The following PECR variants were observed in gnomAD, a reference collection of about 807,000 sequenced individuals.
The protein encoded by PECR is 2,4-dienoyl-CoA reductase-related protein.
A neutral mutation model predicts 35.3 loss-of-function variants in PECR; 30 were observed. The observed-to-expected ratio is 0.85, with a 90% CI of 0.64 to 1.15. The LOEUF is 1.15. Among genes scored for constraint, PECR ranks in the 50% most tolerant of loss-of-function variants. The pLI, the probability that PECR is intolerant of heterozygous loss-of-function variation, is 0.00. For missense variants in PECR, 392 were observed against 370.8 expected (o/e 1.06, Z -0.47); for synonymous variants, 148 against 138.9 (o/e 1.07, Z -0.46).
At chr2:216,049,445 T>C (rs905828408) in intron 5 of PECR, 72 bp from the exon 6 acceptor site, 10 of 705,722 alleles carry the variant, frequency 1.4e-5, no homozygotes, top group African/African-American at 3.6e-5. Context: ...GATATCAAGA[T>C]ACTCTACTGG....
chr2:216,070,576 G>C (rs147891613), intron 1 of PECR, among the ~76,000 whole-genome samples: 4 of 152,128 alleles, frequency 2.6e-5, no homozygotes, highest in African/African-American at 9.7e-5. Context: ...CGGTCATTAC[G>C]ACACTGAACG....
intron 7 of PECR, among the ~76,000 whole-genome samples, chr2:216,031,106 C>T (rs181120236): frequency 7.9e-5 from 12 of 152,088 alleles, no homozygotes; most frequent in African/African-American, 1.7e-4. Context: ...GGTAACAACG[C>T]GTTAGAAAGA....
At chr2:216,037,348 C>T (rs1346631048), downstream of PECR, among the ~76,000 whole-genome samples, 1 of 152,196 alleles carries the variant, frequency 6.6e-6, no homozygotes, top group Non-Finnish European at 1.5e-5. Flanking sequence ...GTCCCTTAAG[C>T]AGAAATAACT....
At chr2:216,040,034 A>G (rs964770202) in intron 7 of PECR, among the ~76,000 whole-genome samples, 55 of 152,156 alleles carry the variant, frequency 3.6e-4, no homozygotes, top group African/African-American at 1.3e-3. Flanking sequence ...AGCCTTACAC[A>G]TAGAAACAGC....
chr2:216,079,981 CAAAA>C (rs746269775), intron 1 of PECR, among the ~76,000 whole-genome samples: 1 of 85,486 alleles, frequency 1.2e-5, no homozygotes, highest in Admixed American at 1.2e-4. Flanking sequence ...AACTCCATCT[CAAAA>C]AAAAAAAAAA....
intron 7 of PECR, among the ~76,000 whole-genome samples, chr2:216,042,467 T>C (rs188847810): frequency 6.2e-4 from 95 of 152,304 alleles, no homozygotes; most frequent in Non-Finnish European, 1.1e-3. Context: ...CTGGGTTACA[T>C]CAACCATCTA....
At chr2:216,043,452 T>G (rs1392055889) in intron 7 of PECR, among the ~76,000 whole-genome samples, 1 of 152,014 alleles carries the variant, frequency 6.6e-6, no homozygotes, top group Non-Finnish European at 1.5e-5. Context: ...ATACAGAAAT[T>G]TCATATGCCT....
At chr2:216,067,555 TTC>T (rs1310047214) in intron 1 of PECR, among the ~76,000 whole-genome samples, 1 of 151,486 alleles carries the variant, frequency 6.6e-6, no homozygotes, top group Non-Finnish European at 1.5e-5. Context: ...TACATATTTT[TTC>T]TTTTTCTTTT....
chr2:216,033,094 C>T (rs955479920), intron 7 of PECR: 3 of 152,088 alleles, frequency 2.0e-5, no homozygotes, highest in Non-Finnish European at 4.4e-5. Context: ...TCTAAACTTA[C>T]CCAAGATTGA....
intron 3 of PECR, chr2:216,063,885 T>G (rs984276486): frequency 1.3e-5 from 2 of 151,948 alleles, no homozygotes; most frequent in African/African-American, 4.8e-5. Context: ...GCTAATTTTT[T>G]TTCTTTTTTT....
chr2:216,044,008 G>C lies in PECR; in HGVS notation c.722C>G (p.Ser241Cys). The change falls in exon 7 of 8, where the codon TCT (serine) becomes TGT (cysteine). Residue 241 changes from serine to cysteine, a missense_variant. Transcript: ENST00000265322. ...AGGAGACAGTAGGAAGCAGACCACAGAGGAGACCTGGAAACAGAAACACAC... is the reference window on the plus strand; with the variant it reads ...AGGAGACAGTAGGAAGCAGACCACACAGGAGACCTGGAAACAGAAACACAC... ...KRIGVPEEVS[S>C]VVCFLLSPAA... The C allele has an allele frequency of 6.3e-7, 1 of 1,583,120 alleles. No homozygotes were observed. Among genetic ancestry groups the C allele is most frequent in the Non-Finnish European group, 8.7e-7 (1 of 1,151,754 alleles).
rs1304305088 is a variant in PECR at position 216,043,103 on chromosome 2, G to GTA, written c.826+799_826+800dup. On this transcript the variant is annotated intron_variant, in intron 7 of 7. Transcript: ENST00000265322. The stretch of plus-strand genomic sequence containing the variant: ...TATACACATACATATATATGTATGC[G>GTA]TATATATATATATTTTTTTTTGAGA... 3.2e-3 allele frequency among the ~76,000 whole-genome samples: 388 copies of GTA among 120,152 alleles called. 14 individuals carry two copies. The highest frequency in any genetic ancestry group is 0.011 in the African/African-American group (348 of 31,684). The allele number at this position is 120,152 out of a possible 152,430, so 78.8% of individuals were successfully genotyped here.
chr2:216,037,918 C>T (rs145620564), downstream of PECR, among the ~76,000 whole-genome samples: 1,062 of 150,842 alleles, frequency 7.0e-3, 7 homozygotes, highest in African/African-American at 0.024. Context: ...AACACCATCT[C>T]TACTAAAAAT....
chr2:216,049,276 C>G lies in PECR; in HGVS notation c.701G>C (p.Gly234Ala). 1 of 1,542,492 alleles carries G rather than the reference C, an allele frequency of 6.5e-7. No homozygotes were observed. The highest frequency in any genetic ancestry group is 9.0e-7 in the Non-Finnish European group (1 of 1,114,560). The change falls in exon 6 of 8, where the codon GGT becomes GCT. Residue 234 changes from glycine to alanine, a missense_variant. Physicochemically the swap from Gly to Ala is moderately conservative, Grantham distance 60 (BLOSUM62 0). Coordinates refer to ENST00000265322, the MANE Select transcript of PECR (RefSeq NM_018441.6). The stretch of plus-strand genomic sequence containing the variant: ...AATATACCTTACCTCCTCAGGAACA[C>G]CAATTCGTTTAGCGGGGATTTTCTG... Reference protein sequence around the residue: ...SFQKIPAKRIGVPEEVSSVVC... With the variant: ...SFQKIPAKRIAVPEEVSSVVC...
At chr2:216,078,587 CAAA>C (rs35963126) in intron 1 of PECR, among the ~76,000 whole-genome samples, 5 of 85,472 alleles carry the variant, frequency 5.8e-5, no homozygotes, top group East Asian at 3.2e-4. Flanking sequence ...AACTCCATCT[CAAA>C]AAAAAAAAAA....
Position 216,062,498 on chromosome 2 carries a change from T to A in PECR, c.424+2814A>T, listed in dbSNP as rs144751406. ...TAAAAGTCTATAGGAAAGTCCAAATTCACCAATAATTTATATGTGGATTTT... is the reference window on the plus strand; with the variant it reads ...TAAAAGTCTATAGGAAAGTCCAAATACACCAATAATTTATATGTGGATTTT... On this transcript the variant is annotated intron_variant, in intron 3 of 7. Transcript: ENST00000265322. Among the ~76,000 whole-genome samples, 15 of 152,298 alleles carry A rather than the reference T, an allele frequency of 9.8e-5. No individual in the cohort carries two copies. The East Asian group carries it at 2.7e-3, about 27-fold the overall frequency.
At chr2:216,041,144 C>T (rs12468812) in intron 7 of PECR, among the ~76,000 whole-genome samples, 75,473 of 151,910 alleles carry the variant, frequency 0.5, 19,813 homozygotes, top group Admixed American at 0.57. Flanking sequence ...TAGATGTACC[C>T]GCTTTCCTCA....
rs76995458 is a variant in PECR at position 216,059,617 on chromosome 2, C to G, written c.425-641G>C. ...AAATGGTTTTCCAAAGTGTCCCTCC[C>G]CATTTTACATTGTTCTCAGAAATGC... On this transcript the variant is annotated intron_variant, in intron 3 of 7. Transcript: ENST00000265322. Among the ~76,000 whole-genome samples, 1,112 of 152,308 alleles carry G rather than the reference C, an allele frequency of 7.3e-3. 9 individuals carry two copies. The highest frequency in any genetic ancestry group is 0.025 in the African/African-American group (1,055 of 41,570).
intron 6 of PECR, among the ~76,000 whole-genome samples, chr2:216,047,093 C>T (rs917152750): frequency 1.3e-5 from 2 of 152,034 alleles, no homozygotes; most frequent in Non-Finnish European, 2.9e-5. Flanking sequence ...CATGAAGAAA[C>T]CCTGTCTCTA....
Sources: gnomAD v4.1 joint callset for allele counts (sites outside exome capture counted in the v4.1 genomes callset) on GRCh38, gnomAD v4.1.1 for gene constraint, MANE v1.5 for transcripts, NCBI Gene and HGNC (gene_info 2026-07-23, HGNC 2026-07-21) for gene names.